The following BRINP1 variants were observed in gnomAD, a reference collection of about 807,000 sequenced individuals.
The protein encoded by BRINP1 is BMP/retinoic acid-inducible neural-specific protein 1.
In BRINP1, 17 loss-of-function variants were observed where a neutral mutation model predicts 72.9. The observed-to-expected ratio is 0.23, with a 90% CI of 0.16 to 0.35. The LOEUF (loss-of-function observed/expected upper bound fraction) is 0.35. Among genes scored for constraint, BRINP1 ranks in the 10% least tolerant of loss-of-function variants. The pLI is 1.00. For missense variants in BRINP1, 850 were observed against 1,001.6 expected, an observed-to-expected ratio of 0.85 and a Z score of 2.04; for synonymous variants, 418 against 378.5, an observed-to-expected ratio of 1.10 and a Z score of -1.21.
At chr9:119,213,324 A>T (rs1372779210) in intron 6 of BRINP1, among the ~76,000 whole-genome samples, 1 of 152,216 alleles carries the variant, frequency 6.6e-6, no homozygotes, top group African/African-American at 2.4e-5. Context: ...CCTACTTCAG[A>T]CTTCATCCAC....
At chr9:119,228,305 TAC>T (rs772369016) in intron 5 of BRINP1, among the ~76,000 whole-genome samples, 37 of 151,926 alleles carry the variant, frequency 2.4e-4, no homozygotes, top group Non-Finnish European at 4.6e-4. Context: ...TGTACGTGTA[TAC>T]ACACACACAT....
intron 1 of BRINP1, among the ~76,000 whole-genome samples, chr9:119,337,918 G>A (rs1293800881): frequency 1.3e-5 from 2 of 152,230 alleles, no homozygotes; most frequent in Non-Finnish European, 2.9e-5. Flanking sequence ...AGTCAGAAGA[G>A]TGTTTCACTG....
chr9:119,253,183 A>C (rs952539719), intron 2 of BRINP1, among the ~76,000 whole-genome samples: 2 of 152,194 alleles, frequency 1.3e-5, no homozygotes, highest in Non-Finnish European at 2.9e-5. Context: ...GGAAGGTATT[A>C]AACTATAATG....
In BRINP1 at chr9:119,361,954, C is replaced by A. The variant is rs928808631; in HGVS notation, c.-51+7102G>T. 1.5e-4 allele frequency among the ~76,000 whole-genome samples: 23 copies of A among 152,022 alleles called. No individual in the cohort carries two copies. The East Asian group carries it at 3.9e-3, about 26-fold the overall frequency. On this transcript the variant is annotated intron_variant, in intron 1 of 7. Transcript: ENST00000265922. Reference sequence around the variant, plus strand: ...GAGTAGCTGGGATTACAAGCACACGCCACCATGCCCAGCTATTTTTGTATT... The same window carrying A: ...GAGTAGCTGGGATTACAAGCACACGACACCATGCCCAGCTATTTTTGTATT...
chr9:119,227,034 T>A, intron 5 of BRINP1, among the ~76,000 whole-genome samples: 1 of 152,018 alleles, frequency 6.6e-6, no homozygotes. Flanking sequence ...TTACATGAAA[T>A]ATTCATGTAA....
In BRINP1 at chr9:119,326,803, ACAGAG is replaced by A. The variant is rs1208404744; in HGVS notation, c.-50-13403_-50-13399del. ...TAGGTAATTTCAGTATAATGTAATA[ACAGAG>A]CAAAGACAGGATACGTCCAGGGTTC... On this transcript the variant is annotated intron_variant, in intron 1 of 7. Coordinates refer to ENST00000265922, the MANE Select transcript of BRINP1 (RefSeq NM_014618.3). 7.2e-5 allele frequency among the ~76,000 whole-genome samples: 11 copies of A among 152,364 alleles called. 1 individual carries two copies. Among genetic ancestry groups the A allele is most frequent in the African/African-American group, 2.6e-4 (11 of 41,584 alleles).
intron 1 of BRINP1, among the ~76,000 whole-genome samples, chr9:119,358,425 G>A (rs940067000): frequency 4.0e-5 from 6 of 150,558 alleles, no homozygotes; most frequent in Non-Finnish European, 8.8e-5. Context: ...CAGGCATAGT[G>A]GCTCATGCCT....
intron 2 of BRINP1, among the ~76,000 whole-genome samples, chr9:119,291,323 G>A (rs1830820338): frequency 6.6e-6 from 1 of 152,152 alleles, no homozygotes; most frequent in Non-Finnish European, 1.5e-5. Context: ...ACGTGGTGAA[G>A]GGTATCTGAC....
At chr9:119,213,704 C>A (rs1829951435) in intron 6 of BRINP1, 1 of 626,894 alleles carries the variant, frequency 1.6e-6, no homozygotes, top group African/African-American at 1.8e-5. Context: ...CATATGACCA[C>A]AAACTGGATT....
intron 2 of BRINP1, among the ~76,000 whole-genome samples, chr9:119,312,547 G>A (rs967887777): frequency 3.9e-5 from 6 of 152,194 alleles, no homozygotes; most frequent in Non-Finnish European, 8.8e-5. Flanking sequence ...TTTGGGCTAA[G>A]TCTTTTTTTG....
At chr9:119,250,899 T>TCCTG (rs1830380902) in intron 2 of BRINP1, among the ~76,000 whole-genome samples, 1 of 152,048 alleles carries the variant, frequency 6.6e-6, no homozygotes, top group Non-Finnish European at 1.5e-5. Context: ...GGTCTCTCTC[T>TCCTG]CCTGCCACAG....
chr9:119,203,782 ATTG>A (rs1245436729), intron 7 of BRINP1, among the ~76,000 whole-genome samples: 9 of 152,078 alleles, frequency 5.9e-5, no homozygotes, highest in South Asian at 2.1e-4. Context: ...TTGCTTCATT[ATTG>A]TTGTTATTAT....
chr9:119,294,378 C>T (rs4837625), intron 2 of BRINP1, among the ~76,000 whole-genome samples: 41,003 of 151,666 alleles, frequency 0.27, 6,390 homozygotes, highest in Non-Finnish European at 0.35. Flanking sequence ...GGTACAAAAA[C>T]TAGCTGGGCG....
At chr9:119,351,074 C>A (rs1176446098) in intron 1 of BRINP1, among the ~76,000 whole-genome samples, 1 of 152,008 alleles carries the variant, frequency 6.6e-6, no homozygotes, top group African/African-American at 2.4e-5. Context: ...GTCTTGCCCC[C>A]CAACCCCCGA....
chr9:119,260,448 C>T (rs1260322994), intron 2 of BRINP1, among the ~76,000 whole-genome samples: 1 of 152,128 alleles, frequency 6.6e-6, no homozygotes. Flanking sequence ...TTGACCCAGA[C>T]ATCAAATAAT....
intron 5 of BRINP1, among the ~76,000 whole-genome samples, chr9:119,221,547 C>T (rs1830041873): frequency 6.6e-6 from 1 of 152,088 alleles, no homozygotes; most frequent in Non-Finnish European, 1.5e-5. Context: ...TGATCTCATT[C>T]AGAAGTTCAG....
chr9:119,346,045 AC>A (rs1250423068), intron 1 of BRINP1, among the ~76,000 whole-genome samples: 1 of 151,920 alleles, frequency 6.6e-6, no homozygotes, highest in Non-Finnish European at 1.5e-5. Flanking sequence ...AGCATACTCA[AC>A]TCTGATGCCT....
chr9:119,186,505 C>A (rs551693631), intron 7 of BRINP1, among the ~76,000 whole-genome samples: 1 of 152,272 alleles, frequency 6.6e-6, no homozygotes, highest in South Asian at 2.1e-4. Flanking sequence ...AAAAGCCATG[C>A]CCAAGCTGGC....
At chr9:119,269,850 G>C (rs1830590558) in intron 2 of BRINP1, among the ~76,000 whole-genome samples, 1 of 70,418 alleles carries the variant, frequency 1.4e-5, no homozygotes, top group Admixed American at 2.2e-4. Flanking sequence ...AAACACTTGA[G>C]ATACATTAAT....
Sources: allele counts gnomAD v4.1 joint callset (sites outside exome capture counted in the v4.1 genomes callset), GRCh38; gene constraint gnomAD v4.1.1; transcripts MANE v1.5; gene names NCBI Gene and HGNC (gene_info 2026-07-23, HGNC 2026-07-21).